The following SLMAP variants were observed in gnomAD, a reference collection of about 807,000 sequenced individuals.
SLMAP encodes the protein sarcolemma associated protein.
A neutral mutation model predicts 128.8 loss-of-function variants in SLMAP; 44 were observed. The observed-to-expected ratio is 0.34, with a 90% CI of 0.27 to 0.44. SLMAP has a LOEUF of 0.44. Among genes scored for constraint, SLMAP ranks in the 20% least tolerant of loss-of-function variants. The pLI, the probability that SLMAP is intolerant of heterozygous loss-of-function variation, is 1.00. For missense variants in SLMAP, 787 were observed against 985.3 expected (o/e 0.80, Z 2.69); for synonymous variants, 327 against 348.8 (o/e 0.94, Z 0.70).
At position 57,881,610 on chromosome 3, in the gene SLMAP, A is replaced by C. The variant is rs572859289; in HGVS notation, c.1301-8431A>C. Among the ~76,000 whole-genome samples, 6 of 152,196 alleles carry C rather than the reference A, an allele frequency of 3.9e-5. No individual in the cohort carries two copies. In the South Asian group the frequency reaches 1.2e-3, roughly 32 times the overall value. Reference sequence around the variant, plus strand: ...GTAGCTGGGACTACAGGCACGTGCCACTATGCCCGGCTAATTTTTGTATTT... The same window carrying C: ...GTAGCTGGGACTACAGGCACGTGCCCCTATGCCCGGCTAATTTTTGTATTT... On this transcript the variant is annotated intron_variant, in intron 14 of 24. Transcript: ENST00000671191.
intron 2 of SLMAP, among the ~76,000 whole-genome samples, chr3:57,792,258 C>CT (rs1277078353): frequency 6.6e-6 from 1 of 151,910 alleles, no homozygotes; most frequent in Non-Finnish European, 1.5e-5. Flanking sequence ...AGAGCAATGT[C>CT]TATCTTCTTC....
chr3:57,815,081 T>C (rs2091658128), intron 2 of SLMAP, among the ~76,000 whole-genome samples: 1 of 152,158 alleles, frequency 6.6e-6, no homozygotes, highest in African/African-American at 2.4e-5. Context: ...TTTCCATGGA[T>C]GGTAGGTAAG....
chr3:57,855,958 G>C (rs2094763915), intron 6 of SLMAP, among the ~76,000 whole-genome samples: 1 of 151,908 alleles, frequency 6.6e-6, no homozygotes, highest in Non-Finnish European at 1.5e-5. Flanking sequence ...TGAGAGAATT[G>C]CTTGAACCCA....
chr3:57,852,304 G>A (rs1420986364), intron 6 of SLMAP, among the ~76,000 whole-genome samples: 1 of 152,176 alleles, frequency 6.6e-6, no homozygotes, highest in Non-Finnish European at 1.5e-5. Flanking sequence ...AATTATCAAT[G>A]TATTAATCAG....
At position 57,781,031 on chromosome 3, in the gene SLMAP, CAT is replaced by C. The variant is rs1001166387; in HGVS notation, c.198+23189_198+23190del. On this transcript the variant is annotated intron_variant, in intron 2 of 24. Coordinates refer to ENST00000671191, the MANE Select transcript of SLMAP (RefSeq NM_001377540.1). ...ATATATATACATATATATACACACA[CAT>C]ATATATGCGCATATATATAAAATAA... is the stretch of plus-strand genomic sequence containing the variant. Among the ~76,000 whole-genome samples, 23 of 151,450 alleles carry C rather than the reference CAT, an allele frequency of 1.5e-4. No homozygotes were observed. In the South Asian group the frequency reaches 2.9e-3, roughly 19 times the overall value.
intron 2 of SLMAP, among the ~76,000 whole-genome samples, chr3:57,821,357 G>A (rs115863319): frequency 0.022 from 3,296 of 152,088 alleles, 53 homozygotes; most frequent in Non-Finnish European, 0.038. Flanking sequence ...TAAGACGTTC[G>A]GGTAATATAT....
In SLMAP at chr3:57,779,931, A is replaced by G. The variant is rs78654693; in HGVS notation, c.198+22082A>G. ...GTTTCTCAAGCTGGCAGTTGGGTAC[A>G]CCGACTTTTTTTTTATTGTTTCATT... On this transcript the variant is annotated intron_variant, in intron 2 of 24. Transcript: ENST00000671191. Among the ~76,000 whole-genome samples the G allele has an allele frequency of 4.3e-4, 65 of 151,954 alleles. 1 individual carries two copies. The East Asian group carries it at 0.011, about 25-fold the overall frequency.
intron 2 of SLMAP, among the ~76,000 whole-genome samples, chr3:57,778,699 C>T (rs1233398096): frequency 6.6e-6 from 1 of 151,678 alleles, no homozygotes; most frequent in East Asian, 1.9e-4. Context: ...CCTCAGCCTC[C>T]TGAGTAGCTA....
intron 17 of SLMAP, among the ~76,000 whole-genome samples, chr3:57,902,296 C>T (rs926754767): frequency 2.0e-5 from 3 of 151,810 alleles, no homozygotes; most frequent in Non-Finnish European, 2.9e-5. Context: ...GGTAGGATTA[C>T]AAGAAGAGTA....
chr3:57,921,438 C>G (rs1422622767), intron 22 of SLMAP, among the ~76,000 whole-genome samples: 4 of 152,024 alleles, frequency 2.6e-5, no homozygotes, highest in Admixed American at 2.6e-4. Flanking sequence ...ACCATCCTGG[C>G]CAACATGGTG....
At chr3:57,814,633 C>CCATTCTATTAAT in intron 2 of SLMAP, among the ~76,000 whole-genome samples, 1 of 152,218 alleles carries the variant, frequency 6.6e-6, no homozygotes, top group African/African-American at 2.4e-5. Context: ...ATATTCTAAG[C>CCATTCTATTAAT]ATACTTACAT....
intron 2 of SLMAP, among the ~76,000 whole-genome samples, chr3:57,827,651 A>G (rs2093016536): frequency 6.6e-6 from 1 of 152,248 alleles, no homozygotes; most frequent in Non-Finnish European, 1.5e-5. Flanking sequence ...TCACCTGCTC[A>G]ACATCAAAGT....
Position 57,922,959 on chromosome 3 carries a change from C to A in SLMAP, c.2381C>A (p.Ser794Ter). The A allele has an allele frequency of 6.2e-7, 1 of 1,613,638 alleles. No individual in the cohort carries two copies. The highest frequency in any genetic ancestry group is 1.1e-5 in the South Asian group (1 of 91,054). ...GAAATGACTGAGCAGGAAAAGCAGTCAATCACAGATGAGCTCAAACAGTGT... is the reference window on the plus strand; with the variant it reads ...GAAATGACTGAGCAGGAAAAGCAGTAAATCACAGATGAGCTCAAACAGTGT... ...KFEMTEQEKQSITDELKQCKN... is the reference protein window; with the variant it reads ...KFEMTEQEKQ The change falls in exon 23 of 25, where the codon TCA becomes TAA. Residue 794 changes from serine (S) to a stop codon, truncating the protein, a stop_gained. Transcript: ENST00000671191. LOFTEE classifies it high-confidence loss of function.
intron 4 of SLMAP, among the ~76,000 whole-genome samples, chr3:57,845,451 G>A (rs1307051949): frequency 2.0e-5 from 3 of 152,176 alleles, no homozygotes; most frequent in African/African-American, 7.2e-5. Flanking sequence ...AGTTATTAAG[G>A]TGGGATCAAA....
intron 2 of SLMAP, among the ~76,000 whole-genome samples, chr3:57,779,522 A>C (rs983688055): frequency 1.3e-5 from 2 of 151,758 alleles, no homozygotes; most frequent in African/African-American, 2.4e-5. Flanking sequence ...AAAAAAAAAA[A>C]AAACAAAAAT....
Position 57,861,975 on chromosome 3 carries a change from A to G in SLMAP, c.855A>G (p.Glu285=), listed in dbSNP as rs768994305. 8.1e-6 allele frequency: 13 copies of G among 1,612,198 alleles called. No homozygotes were observed. The Admixed American group carries it at 2.0e-4, about 25-fold the overall frequency. ...GAAGTCTGAGTAATACTGAAGATGAATGTACCCATCTGAAAGAAATGAATG... is the reference window on the plus strand; with the variant it reads ...GAAGTCTGAGTAATACTGAAGATGAGTGTACCCATCTGAAAGAAATGAATG... The part of the protein sequence containing the change: ...VERSLSNTED[E]CTHLKEMNER... The change falls in exon 10 of 25, where the codon GAA becomes GAG. Residue 285 remains glutamate, a synonymous_variant. Transcript: ENST00000671191.
At chr3:57,904,171 A>T (rs1457553627) in intron 17 of SLMAP, among the ~76,000 whole-genome samples, 1 of 152,226 alleles carries the variant, frequency 6.6e-6, no homozygotes, top group Non-Finnish European at 1.5e-5. Context: ...TAATTTGAAA[A>T]GATTTTTGGT....
intron 2 of SLMAP, among the ~76,000 whole-genome samples, chr3:57,765,949 C>T (rs2079580530): frequency 6.6e-6 from 1 of 150,916 alleles, no homozygotes; most frequent in African/African-American, 2.4e-5. Context: ...GACATTACTC[C>T]TTAGGTTAAA....
intron 2 of SLMAP, among the ~76,000 whole-genome samples, chr3:57,760,271 T>G (rs556611057): frequency 6.6e-6 from 1 of 152,344 alleles, no homozygotes; most frequent in Non-Finnish European, 1.5e-5. Flanking sequence ...AACTTATCTT[T>G]GAATGGTAGA....
Sources: allele counts gnomAD v4.1 joint callset (sites outside exome capture counted in the v4.1 genomes callset), GRCh38; gene constraint gnomAD v4.1.1; transcripts MANE v1.5; gene names NCBI Gene and HGNC (gene_info 2026-07-23, HGNC 2026-07-21).